Variants in NBAS observed in about 807,000 individuals in gnomAD.
NBAS encodes the protein NBAS subunit of NRZ tethering complex, also known as NAG/BC035112 fusion.
Under a neutral mutation model 302.5 loss-of-function variants are expected in NBAS, and 219 were observed. The ratio of observed to expected loss-of-function variants is 0.72; its 90% confidence interval spans 0.65 to 0.81. The LOEUF is 0.81. NBAS is among the 30% of genes least tolerant of loss of function. NBAS has a pLI of 0.00. For synonymous variants in NBAS, 1,118 were observed against 1,021.6 expected, an observed-to-expected ratio of 1.09 and a Z score of -1.80; for missense variants, 2,932 against 2,841.6, an observed-to-expected ratio of 1.03 and a Z score of -0.72.
At chr2:14,906,296 T>C in the NBAS span, among the ~76,000 whole-genome samples, 4 of 152,196 alleles carry the variant, frequency 2.6e-5, no homozygotes, top group Non-Finnish European at 5.9e-5. Flanking sequence ...AGTAGGTGCT[T>C]ATTATCTCTA....
intron 9 of NBAS, among the ~76,000 whole-genome samples, chr2:15,519,314 G>A (rs939172980): frequency 6.6e-6 from 1 of 152,090 alleles, no homozygotes; most frequent in Non-Finnish European, 1.5e-5. Context: ...GCCGGTTAGG[G>A]GGCTTGCATT....
chr2:15,098,453 A>G, the NBAS span, among the ~76,000 whole-genome samples: 1 of 93,152 alleles, frequency 1.1e-5, no homozygotes, highest in South Asian at 3.5e-4. Context: ...ATTGTATATT[A>G]TATATTATAT....
At chr2:14,866,287 G>A in the NBAS span, among the ~76,000 whole-genome samples, 2 of 152,140 alleles carry the variant, frequency 1.3e-5, no homozygotes, top group Non-Finnish European at 2.9e-5. Context: ...CAGATGATAA[G>A]AAGGCTGACT....
the NBAS span, among the ~76,000 whole-genome samples, chr2:15,050,877 C>A: frequency 6.6e-6 from 1 of 151,942 alleles, no homozygotes; most frequent in Non-Finnish European, 1.5e-5. Context: ...TGAAATGAGA[C>A]CAGGTTGAAG....
intron 6 of NBAS, among the ~76,000 whole-genome samples, chr2:15,543,768 C>T (rs1367592899): frequency 6.6e-6 from 1 of 152,204 alleles, no homozygotes. Context: ...TCCCGCAACA[C>T]GTGGGAGTTA....
At chr2:15,536,944 T>C (rs565619220) in intron 7 of NBAS, among the ~76,000 whole-genome samples, 1 of 152,284 alleles carries the variant, frequency 6.6e-6, no homozygotes, top group South Asian at 2.1e-4. Flanking sequence ...TAGCCTGCGG[T>C]AAAAAAGTCT....
intron 42 of NBAS, among the ~76,000 whole-genome samples, chr2:15,282,436 T>A (rs763894663): frequency 2.0e-5 from 3 of 152,196 alleles, no homozygotes; most frequent in Non-Finnish European, 2.9e-5. Flanking sequence ...AGTTTACTCA[T>A]CTCTCCTCAG....
At chr2:15,095,159 C>T in the NBAS span, among the ~76,000 whole-genome samples, 1 of 152,152 alleles carries the variant, frequency 6.6e-6, no homozygotes, top group Non-Finnish European at 1.5e-5. Context: ...CCATTGCATA[C>T]ACATTATTCT....
the NBAS span, among the ~76,000 whole-genome samples, chr2:14,925,121 G>T: frequency 6.6e-6 from 1 of 152,124 alleles, no homozygotes; most frequent in African/African-American, 2.4e-5. Context: ...AGGTCAGTTC[G>T]CAAACCCAGA....
the NBAS span, among the ~76,000 whole-genome samples, chr2:14,838,772 G>T: frequency 6.6e-6 from 1 of 151,762 alleles, no homozygotes; most frequent in African/African-American, 2.4e-5. Context: ...CTAGAACTTG[G>T]ATTTTTATCT....
intron 38 of NBAS, among the ~76,000 whole-genome samples, chr2:15,310,022 C>T (rs1376504355): frequency 1.3e-5 from 2 of 152,136 alleles, no homozygotes; most frequent in African/African-American, 2.4e-5. Flanking sequence ...TGCTCATGAT[C>T]GGCACTAATG....
chr2:14,890,138 C>T, the NBAS span, among the ~76,000 whole-genome samples: 1 of 152,150 alleles, frequency 6.6e-6, no homozygotes, highest in Non-Finnish European at 1.5e-5. Flanking sequence ...TTTGTAAATG[C>T]TAATACCTAT....
chr2:15,375,005 T>A (rs1674666592), intron 30 of NBAS, among the ~76,000 whole-genome samples: 1 of 152,182 alleles, frequency 6.6e-6, no homozygotes, highest in Non-Finnish European at 1.5e-5. Context: ...GGAAGCATCA[T>A]AACTCTGTGT....
intron 44 of NBAS, among the ~76,000 whole-genome samples, chr2:15,243,240 G>A (rs549591080): frequency 2.0e-5 from 3 of 152,304 alleles, no homozygotes; most frequent in East Asian, 1.9e-4. Context: ...AGGATGAGCT[G>A]TGTTCCAGCC....
At chr2:15,247,795 G>C (rs377100299) in intron 44 of NBAS, among the ~76,000 whole-genome samples, 1 of 149,210 alleles carries the variant, frequency 6.7e-6, no homozygotes, top group African/African-American at 2.5e-5. Context: ...ATGACAATAC[G>C]GGCTCATAAA....
At chr2:15,179,924 T>G (rs1353164808) in intron 50 of NBAS, 34 of 152,212 alleles carry the variant, frequency 2.2e-4, no homozygotes, top group Admixed American at 2.2e-3. Flanking sequence ...CCTGCTGAGC[T>G]GTGTTGCCAT....
the NBAS span, among the ~76,000 whole-genome samples, chr2:14,793,068 T>TTCTC: frequency 3.2e-3 from 469 of 147,408 alleles, no homozygotes; most frequent in African/African-American, 7.3e-3. Flanking sequence ...CTGTCTCTGT[T>TTCTC]TCTCTCTCTC....
rs1201661615 is a variant in NBAS, at chr2:15,353,018, G to A, written c.4089+535C>T. Among the ~76,000 whole-genome samples, 3 of 152,094 alleles carry A rather than the reference G, an allele frequency of 2.0e-5. No individual in the cohort carries two copies. In the East Asian group the frequency reaches 5.8e-4, roughly 29 times the overall value. Reference sequence around the variant, plus strand: ...CTGCCTGACTAGCTACCAACTGTAAGAGAATGACTATGGGATGAAAATGTG... The same window carrying A: ...CTGCCTGACTAGCTACCAACTGTAAAAGAATGACTATGGGATGAAAATGTG... On this transcript the variant is annotated intron_variant, in intron 34 of 51. Coordinates refer to ENST00000281513, the MANE Select transcript of NBAS (RefSeq NM_015909.4).
the NBAS span, among the ~76,000 whole-genome samples, chr2:14,954,075 G>A: frequency 3.9e-5 from 6 of 152,294 alleles, no homozygotes; most frequent in African/African-American, 7.2e-5. Context: ...GTGGTCTGAC[G>A]AATGTAAAAA....
Sources: gnomAD v4.1 joint callset for allele counts (sites outside exome capture counted in the v4.1 genomes callset) on GRCh38, gnomAD v4.1.1 for gene constraint, MANE v1.5 for transcripts, NCBI Gene and HGNC (gene_info 2026-07-23, HGNC 2026-07-21) for gene names.